MBD5: variants seen among roughly 807,000 people sequenced by gnomAD.
MBD5 encodes the protein methyl-CpG-binding domain protein 5.
MBD5 carries 13 observed loss-of-function variants against 117.3 expected under a neutral mutation model. The ratio of observed to expected loss-of-function variants is 0.11; its 90% CI spans 0.07 to 0.18. MBD5 has a LOEUF of 0.18. Ranked by LOEUF, MBD5 falls within the 10% of genes least tolerant of loss-of-function variation. The pLI is 1.00. For synonymous variants in MBD5, 727 were observed against 766.4 expected (o/e 0.95, Z 0.85); for missense variants, 1,879 against 2,093.8 (o/e 0.90, Z 2.00).
intron 3 of MBD5, among the ~76,000 whole-genome samples, chr2:148,320,439 G>A (rs1702257550): frequency 6.6e-6 from 1 of 151,934 alleles, no homozygotes; most frequent in Non-Finnish European, 1.5e-5. Context: ...CTGCAGCCTC[G>A]ACCTCTCAGG....
chr2:148,459,940 G>T (rs542416305), intron 5 of MBD5, among the ~76,000 whole-genome samples: 1 of 152,036 alleles, frequency 6.6e-6, no homozygotes, highest in Non-Finnish European at 1.5e-5. Context: ...TATTTATTGG[G>T]GTGAAGGGAT....
At chr2:148,366,439 C>A (rs2105337518) in intron 4 of MBD5, among the ~76,000 whole-genome samples, 1 of 152,256 alleles carries the variant, frequency 6.6e-6, no homozygotes, top group East Asian at 1.9e-4. Flanking sequence ...CCCTCTGTCA[C>A]CATTCCTATT....
chr2:148,103,985 G>A (rs1017774854), intron 1 of MBD5, among the ~76,000 whole-genome samples: 1 of 152,108 alleles, frequency 6.6e-6, no homozygotes, highest in Non-Finnish European at 1.5e-5. Flanking sequence ...GTGAGAATAT[G>A]AGATTTTGCA....
chr2:148,399,327 C>G (rs374578957), intron 4 of MBD5, among the ~76,000 whole-genome samples: 2 of 151,832 alleles, frequency 1.3e-5, no homozygotes, highest in Admixed American at 6.6e-5. Context: ...CTTTTATTTC[C>G]TTGAGCAGTG....
At chr2:148,171,239 A>T (rs1271272366) in intron 1 of MBD5, among the ~76,000 whole-genome samples, 1 of 152,222 alleles carries the variant, frequency 6.6e-6, no homozygotes, top group Non-Finnish European at 1.5e-5. Context: ...CCTCAACAAA[A>T]TACTAGCAAA....
chr2:148,377,195 C>T (rs997040652), intron 4 of MBD5, among the ~76,000 whole-genome samples: 3 of 151,970 alleles, frequency 2.0e-5, no homozygotes, highest in South Asian at 2.1e-4. Context: ...AACCTGGAGT[C>T]GGATGTTCAA....
chr2:148,162,080 A>G (rs1698018476), intron 1 of MBD5, among the ~76,000 whole-genome samples: 1 of 152,200 alleles, frequency 6.6e-6, no homozygotes, highest in Non-Finnish European at 1.5e-5. Flanking sequence ...ACTGCCTTTG[A>G]GCTAGTAGAA....
chr2:148,318,173 T>C (rs907189372), intron 3 of MBD5, among the ~76,000 whole-genome samples: 4 of 152,330 alleles, frequency 2.6e-5, no homozygotes, highest in South Asian at 2.1e-4. Flanking sequence ...TGGCATCTCA[T>C]TGTGGTTTTA....
chr2:148,038,867 T>G (rs1470602427), intron 1 of MBD5, among the ~76,000 whole-genome samples: 2 of 152,176 alleles, frequency 1.3e-5, no homozygotes, highest in South Asian at 4.1e-4. Context: ...ATATATTAAA[T>G]AGAAAAACTG....
chr2:148,410,366 G>A (rs10196996), intron 4 of MBD5, among the ~76,000 whole-genome samples: 43,697 of 151,962 alleles, frequency 0.29, 6,473 homozygotes, highest in East Asian at 0.41. Context: ...TGTACTGTCC[G>A]TTTTACTTTG....
At chr2:148,094,275 G>A (rs1696009193) in intron 1 of MBD5, among the ~76,000 whole-genome samples, 1 of 152,086 alleles carries the variant, frequency 6.6e-6, no homozygotes, top group Non-Finnish European at 1.5e-5. Flanking sequence ...TTTAAAGTGT[G>A]GTGTATTGGA....
intron 4 of MBD5, among the ~76,000 whole-genome samples, chr2:148,438,719 C>T (rs1312756301): frequency 6.6e-6 from 1 of 152,096 alleles, no homozygotes; most frequent in African/African-American, 2.4e-5. Context: ...CCTGGGATGC[C>T]ACTGGTGTAA....
At chr2:148,279,767 C>T (rs551664164) in intron 3 of MBD5, among the ~76,000 whole-genome samples, 314 of 152,080 alleles carry the variant, frequency 2.1e-3, no homozygotes, top group Non-Finnish European at 3.7e-3. Flanking sequence ...ATTATAGTTA[C>T]ACATTTGGAC....
At chr2:148,267,384 G>T (rs373031501) in intron 3 of MBD5, among the ~76,000 whole-genome samples, 1 of 152,128 alleles carries the variant, frequency 6.6e-6, no homozygotes, top group Non-Finnish European at 1.5e-5. Context: ...ATAAAGATCA[G>T]ATGGGTTAAA....
At chr2:148,256,784 G>A (rs1300674697) in intron 3 of MBD5, among the ~76,000 whole-genome samples, 2 of 152,236 alleles carry the variant, frequency 1.3e-5, no homozygotes, top group Non-Finnish European at 2.9e-5. Context: ...CAGGGTCTAG[G>A]GGTGCCTCAG....
At chr2:148,449,310 G>A (rs1706657131) in intron 4 of MBD5, among the ~76,000 whole-genome samples, 1 of 152,048 alleles carries the variant, frequency 6.6e-6, no homozygotes, top group Admixed American at 6.6e-5. Context: ...ACAAAGTGAA[G>A]CTTTAACCTG....
At chr2:148,081,027 A>T (rs981765864) in intron 1 of MBD5, among the ~76,000 whole-genome samples, 3 of 152,204 alleles carry the variant, frequency 2.0e-5, no homozygotes, top group Admixed American at 6.5e-5. Context: ...TTTCAACGGC[A>T]CTTATATTAA....
chr2:148,225,991 T>C (rs1451375305), intron 2 of MBD5, among the ~76,000 whole-genome samples: 2 of 152,314 alleles, frequency 1.3e-5, no homozygotes, highest in East Asian at 3.9e-4. Context: ...ATTGATATCT[T>C]TTATAGGTTT....
intron 1 of MBD5, among the ~76,000 whole-genome samples, chr2:148,135,616 C>G (rs1574051503): frequency 6.6e-6 from 1 of 152,072 alleles, no homozygotes; most frequent in African/African-American, 2.4e-5. Flanking sequence ...TTTGTGTACC[C>G]TTGAATACAT....
Sources: gnomAD v4.1 joint callset for allele counts (sites outside exome capture counted in the v4.1 genomes callset) on GRCh38, gnomAD v4.1.1 for gene constraint, MANE v1.5 for transcripts, NCBI Gene and HGNC (gene_info 2026-07-23, HGNC 2026-07-21) for gene names.